The following LRRC4C variants were observed in gnomAD, a reference collection of about 807,000 sequenced individuals.
LRRC4C encodes the protein leucine-rich repeat-containing protein 4C.
LRRC4C carries 5 observed loss-of-function variants against 33.6 expected under a neutral mutation model. The observed-to-expected ratio is 0.15, with a 90% CI of 0.08 to 0.31. The LOEUF (loss-of-function observed/expected upper bound fraction) is 0.31, where lower values mean the gene tolerates loss of function less well. Ranked by LOEUF, LRRC4C falls within the 10% of genes least tolerant of loss-of-function variation. The pLI is 1.00. For synonymous variants in LRRC4C, 329 were observed against 302.0 expected (o/e 1.09, Z -0.93); for missense variants, 560 against 796.7 (o/e 0.70, Z 3.58).
intron 2 of LRRC4C, among the ~76,000 whole-genome samples, chr11:40,921,852 G>A (rs1957195624): frequency 6.6e-6 from 1 of 152,032 alleles, no homozygotes; most frequent in African/African-American, 2.4e-5. Context: ...CTGTAAATTT[G>A]CATCAATGAT....
chr11:40,315,857 A>G (rs981557263), intron 4 of LRRC4C, among the ~76,000 whole-genome samples: 3 of 151,970 alleles, frequency 2.0e-5, no homozygotes, highest in Non-Finnish European at 2.9e-5. Context: ...TCTTAACACT[A>G]CAGGATGTTT....
In LRRC4C at chr11:41,171,416, G is replaced by A. The variant is rs989420436; in HGVS notation, c.-495-237693C>T. ...GCACATATACACCATGGAATACTATGCAGCCATAAAAAGGATGAGTTCATG... is the reference window on the plus strand; with the variant it reads ...GCACATATACACCATGGAATACTATACAGCCATAAAAAGGATGAGTTCATG... On this transcript the variant is annotated intron_variant, in intron 1 of 6. Coordinates refer to ENST00000528697, the MANE Select transcript of LRRC4C (RefSeq NM_001258419.2). Among the ~76,000 whole-genome samples the A allele has an allele frequency of 2.6e-5, 4 of 152,074 alleles. No homozygotes were observed. The South Asian group carries it at 6.2e-4, about 24-fold the overall frequency.
chr11:40,542,334 A>G (rs1200756522), intron 3 of LRRC4C, among the ~76,000 whole-genome samples: 1 of 152,132 alleles, frequency 6.6e-6, no homozygotes. Context: ...CTTCTGGACT[A>G]TAGTAATCTT....
At chr11:41,232,609 A>G (rs1947849281) in intron 1 of LRRC4C, among the ~76,000 whole-genome samples, 1 of 152,088 alleles carries the variant, frequency 6.6e-6, no homozygotes, top group Admixed American at 6.6e-5. Flanking sequence ...TCAATAAATA[A>G]TATGTGTATG....
At chr11:40,389,505 A>C (rs1328355868) in intron 3 of LRRC4C, among the ~76,000 whole-genome samples, 1 of 151,776 alleles carries the variant, frequency 6.6e-6, no homozygotes. Context: ...TTATTTTTTC[A>C]CTATTGTTTT....
chr11:40,703,554 C>T (rs1251039410), intron 2 of LRRC4C, among the ~76,000 whole-genome samples: 1 of 151,982 alleles, frequency 6.6e-6, no homozygotes, highest in Non-Finnish European at 1.5e-5. Flanking sequence ...GAGTGAGACC[C>T]TATCTCAAAA....
At chr11:40,733,218 G>T (rs1010375262) in intron 2 of LRRC4C, among the ~76,000 whole-genome samples, 1 of 151,532 alleles carries the variant, frequency 6.6e-6, no homozygotes, top group Non-Finnish European at 1.5e-5. Context: ...TGGGACAACA[G>T]GCGCCTGCCA....
At chr11:40,774,446 A>G (rs1949895040) in intron 2 of LRRC4C, among the ~76,000 whole-genome samples, 1 of 152,166 alleles carries the variant, frequency 6.6e-6, no homozygotes, top group South Asian at 2.1e-4. Context: ...TCAATTGGGG[A>G]TAAATTAATC....
chr11:41,006,801 T>C (rs1369171580), intron 1 of LRRC4C, among the ~76,000 whole-genome samples: 1 of 152,136 alleles, frequency 6.6e-6, no homozygotes, highest in Non-Finnish European at 1.5e-5. Context: ...TTATATTCAA[T>C]GTTATCAAAC....
chr11:41,430,709 A>G (rs1955201192), intron 1 of LRRC4C, among the ~76,000 whole-genome samples: 1 of 152,164 alleles, frequency 6.6e-6, no homozygotes, highest in South Asian at 2.1e-4. Flanking sequence ...ATAACTATAA[A>G]GAATATCACT....
intron 2 of LRRC4C, among the ~76,000 whole-genome samples, chr11:40,721,618 C>G (rs1417066035): frequency 6.6e-6 from 1 of 152,176 alleles, no homozygotes; most frequent in Non-Finnish European, 1.5e-5. Context: ...TAGAGAAGAT[C>G]ACTTCTGGTC....
chr11:40,685,398 A>C (rs1437863077), intron 2 of LRRC4C, among the ~76,000 whole-genome samples: 1 of 152,080 alleles, frequency 6.6e-6, no homozygotes, highest in Non-Finnish European at 1.5e-5. Context: ...GATAAGTAAA[A>C]TATATAAATG....
intron 1 of LRRC4C, among the ~76,000 whole-genome samples, chr11:41,377,509 A>T (rs1014836014): frequency 2.6e-5 from 4 of 152,194 alleles, no homozygotes; most frequent in African/African-American, 9.6e-5. Context: ...AAACAACGAT[A>T]ACCGATAGAT....
intron 6 of LRRC4C, among the ~76,000 whole-genome samples, chr11:40,140,375 C>T (rs1857280757): frequency 6.6e-6 from 1 of 152,084 alleles, no homozygotes; most frequent in Non-Finnish European, 1.5e-5. Context: ...AAAGAGGGAG[C>T]TTCAGAAATA....
At chr11:40,536,570 A>G (rs1272084179) in intron 3 of LRRC4C, among the ~76,000 whole-genome samples, 2 of 152,080 alleles carry the variant, frequency 1.3e-5, no homozygotes, top group Admixed American at 6.5e-5. Flanking sequence ...CAATCAAGCT[A>G]TATTACTTTT....
chr11:40,155,926 C>A (rs1043041817), intron 5 of LRRC4C, among the ~76,000 whole-genome samples: 2 of 151,986 alleles, frequency 1.3e-5, no homozygotes, highest in African/African-American at 4.8e-5. Flanking sequence ...TGATATCTTT[C>A]ATGAATATAG....
intron 4 of LRRC4C, chr11:40,241,834 C>CA (rs1467062298): frequency 6.6e-6 from 1 of 152,214 alleles, no homozygotes. Flanking sequence ...CCACCACAGA[C>CA]AAGCAAAGCA....
intron 1 of LRRC4C, among the ~76,000 whole-genome samples, chr11:41,205,370 C>A (rs1946557120): frequency 6.6e-6 from 1 of 152,154 alleles, no homozygotes; most frequent in Non-Finnish European, 1.5e-5. Context: ...AGAATGGAAA[C>A]TGTAACACCA....
chr11:40,711,939 A>T (rs955045190), intron 2 of LRRC4C, among the ~76,000 whole-genome samples: 6 of 152,304 alleles, frequency 3.9e-5, no homozygotes, highest in African/African-American at 1.4e-4. Flanking sequence ...TAAATGCTGA[A>T]TTTTAATGTT....
Sources: gnomAD v4.1 joint callset for allele counts (sites outside exome capture counted in the v4.1 genomes callset) on GRCh38, gnomAD v4.1.1 for gene constraint, MANE v1.5 for transcripts, NCBI Gene and HGNC (gene_info 2026-07-23, HGNC 2026-07-21) for gene names.